The following CCDC149 variants were observed in gnomAD, a reference collection of about 807,000 sequenced individuals.
CCDC149 encodes coiled-coil domain-containing protein 149.
Under a neutral mutation model 59.9 loss-of-function variants are expected in CCDC149, and 45 were observed. The observed-to-expected ratio is 0.75, with a 90% CI of 0.59 to 0.96. The LOEUF (loss-of-function observed/expected upper bound fraction) is 0.96, where lower values mean the gene tolerates loss of function less well. Ranked by LOEUF, CCDC149 falls within the 40% of genes least tolerant of loss-of-function variation. The probability of loss-of-function intolerance (pLI) is 0.00; values close to 1 mark genes in which losing one functional copy is unlikely to be tolerated. For missense variants in CCDC149, 584 were observed against 664.7 expected, an observed-to-expected ratio of 0.88 and a Z score of 1.33; for synonymous variants, 245 against 260.6, an observed-to-expected ratio of 0.94 and a Z score of 0.58.
chr4:24,868,918 A>AC (rs1338002728), intron 3 of CCDC149, among the ~76,000 whole-genome samples: 4 of 152,120 alleles, frequency 2.6e-5, no homozygotes, highest in African/African-American at 9.7e-5. Context: ...TATATGCTTT[A>AC]ATTTTCTCCT....
chr4:24,948,172 G>A (rs920172935), intron 1 of CCDC149, among the ~76,000 whole-genome samples: 1 of 152,184 alleles, frequency 6.6e-6, no homozygotes, highest in Non-Finnish European at 1.5e-5. Context: ...TGTCCTTAGA[G>A]AAGCGTGTGA....
At position 24,866,534 on chromosome 4, in the gene CCDC149, T is replaced by G. The variant is rs1034221510; in HGVS notation, c.264+7147A>C. Among the ~76,000 whole-genome samples the G allele has an allele frequency of 7.2e-5, 11 of 152,216 alleles. No homozygotes were observed. The East Asian group carries it at 2.1e-3, about 29-fold the overall frequency. On this transcript the variant is annotated intron_variant, in intron 3 of 12. Coordinates refer to ENST00000635206, the MANE Select transcript of CCDC149 (RefSeq NM_001330643.2). ...ATCTTTTGGTGATCTCTCACTGCAGTGCAAAGGGGCGCTCTGTGTACACTT... is the reference window on the plus strand; with the variant it reads ...ATCTTTTGGTGATCTCTCACTGCAGGGCAAAGGGGCGCTCTGTGTACACTT...
intron 1 of CCDC149, chr4:24,894,970 T>A (rs913952769): frequency 1.3e-6 from 2 of 1,536,080 alleles, no homozygotes; most frequent in Non-Finnish European, 8.7e-7. Flanking sequence ...TAAAGTCCCA[T>A]GCAGGCATGG....
chr4:24,944,809 C>T (rs1723060541), intron 1 of CCDC149, among the ~76,000 whole-genome samples: 2 of 152,040 alleles, frequency 1.3e-5, no homozygotes, highest in Non-Finnish European at 2.9e-5. Flanking sequence ...TGTTTTCTGT[C>T]ATGTATGGTT....
intron 1 of CCDC149, among the ~76,000 whole-genome samples, chr4:24,941,020 T>G (rs547306226): frequency 1.6e-4 from 24 of 152,246 alleles, no homozygotes; most frequent in African/African-American, 5.5e-4. Context: ...ATCCAGGAAT[T>G]GAACTCAGCT....
chr4:24,889,231 A>C (rs989221543), intron 1 of CCDC149, among the ~76,000 whole-genome samples: 5 of 152,108 alleles, frequency 3.3e-5, no homozygotes, highest in African/African-American at 7.2e-5. Flanking sequence ...TTCTCCACTA[A>C]CTATGCCCCT....
intron 1 of CCDC149, among the ~76,000 whole-genome samples, chr4:24,936,833 G>A (rs1040212370): frequency 2.0e-5 from 3 of 152,256 alleles, no homozygotes; most frequent in Admixed American, 6.5e-5. Context: ...CATGGGAATC[G>A]AATCAGCAAA....
intron 1 of CCDC149, among the ~76,000 whole-genome samples, chr4:24,892,324 T>C (rs749620180): frequency 1.3e-5 from 2 of 152,202 alleles, no homozygotes; most frequent in Non-Finnish European, 2.9e-5. Context: ...CATGGTACTA[T>C]AGGTTTGTCA....
At chr4:24,866,236 T>C (rs1718685868) in intron 3 of CCDC149, among the ~76,000 whole-genome samples, 2 of 152,122 alleles carry the variant, frequency 1.3e-5, no homozygotes, top group South Asian at 4.1e-4. Flanking sequence ...AAGCCATCAC[T>C]TTTTAGAAGC....
At chr4:24,929,251 C>G (rs915522054) in intron 1 of CCDC149, among the ~76,000 whole-genome samples, 4 of 152,144 alleles carry the variant, frequency 2.6e-5, no homozygotes, top group Non-Finnish European at 5.9e-5. Flanking sequence ...GTCTGCAGCA[C>G]TTTTTCTCAT....
intron 1 of CCDC149, among the ~76,000 whole-genome samples, chr4:24,962,796 G>C (rs1357454886): frequency 6.6e-6 from 1 of 152,030 alleles, no homozygotes; most frequent in Non-Finnish European, 1.5e-5. Flanking sequence ...TGACGAGTTA[G>C]TGGGTGCAGC....
At chr4:24,941,069 C>T (rs551028933) in intron 1 of CCDC149, among the ~76,000 whole-genome samples, 4 of 152,294 alleles carry the variant, frequency 2.6e-5, no homozygotes, top group African/African-American at 7.2e-5. Flanking sequence ...ACAGAACTCT[C>T]CACCCAAAAT....
intron 9 of CCDC149, 199 bp downstream of exon 9, chr4:24,831,307 T>G (rs1716129605): frequency 3.4e-6 from 2 of 583,472 alleles, no homozygotes; most frequent in South Asian, 4.0e-5. Flanking sequence ...TGGTACCCTT[T>G]CCTTGCTTGG....
At chr4:24,804,126 A>G (rs187573274), downstream of CCDC149, among the ~76,000 whole-genome samples, 3 of 152,246 alleles carry the variant, frequency 2.0e-5, no homozygotes, top group Middle Eastern at 3.4e-3. Context: ...CACTATTGCT[A>G]AGGAGGAGGA....
intron 2 of CCDC149, among the ~76,000 whole-genome samples, chr4:24,874,747 T>C (rs1166981436): frequency 2.0e-5 from 3 of 152,256 alleles, no homozygotes; most frequent in Non-Finnish European, 4.4e-5. Flanking sequence ...TCTATTCTAT[T>C]CTATTTCTAC....
At chr4:24,894,051 A>G (rs1720700090) in intron 1 of CCDC149, among the ~76,000 whole-genome samples, 1 of 152,176 alleles carries the variant, frequency 6.6e-6, no homozygotes, top group Admixed American at 6.5e-5. Flanking sequence ...AGAAACCTGG[A>G]GTTCAAATCC....
intron 1 of CCDC149, among the ~76,000 whole-genome samples, chr4:24,940,476 A>T (rs1417567036): frequency 6.6e-6 from 1 of 152,240 alleles, no homozygotes; most frequent in Non-Finnish European, 1.5e-5. Flanking sequence ...GCTAGGAAGA[A>T]ACAGCATCAA....
chr4:24,939,598 A>G (rs531213894), intron 1 of CCDC149, among the ~76,000 whole-genome samples: 1 of 152,324 alleles, frequency 6.6e-6, no homozygotes, highest in South Asian at 2.1e-4. Context: ...AACTACTCTG[A>G]GCTAAAGGAG....
At chr4:24,896,602 C>G (rs1720860308) in intron 1 of CCDC149, among the ~76,000 whole-genome samples, 2 of 151,892 alleles carry the variant, frequency 1.3e-5, no homozygotes, top group South Asian at 4.2e-4. Flanking sequence ...CCACCCACAG[C>G]CTCTGCCTGG....
Sources: allele counts gnomAD v4.1 joint callset (sites outside exome capture counted in the v4.1 genomes callset), GRCh38; gene constraint gnomAD v4.1.1; transcripts MANE v1.5; gene names NCBI Gene and HGNC (gene_info 2026-07-23, HGNC 2026-07-21).